SETBP1: variants seen among roughly 807,000 people sequenced by gnomAD.
SETBP1 encodes the protein SET-binding protein.
A neutral mutation model predicts 101.0 loss-of-function variants in SETBP1; 9 were observed. The observed-to-expected ratio is 0.09, with a 90% CI of 0.05 to 0.16. The LOEUF is 0.16. Ranked by LOEUF, SETBP1 falls within the 10% of genes least tolerant of loss-of-function variation. The pLI is 1.00. For missense variants in SETBP1, 1,858 were observed against 2,033.8 expected (o/e 0.91, Z 1.66); for synonymous variants, 818 against 788.5 (o/e 1.04, Z -0.63).
chr18:44,828,283 A>T (rs2072279892), intron 2 of SETBP1, among the ~76,000 whole-genome samples: 1 of 152,174 alleles, frequency 6.6e-6, no homozygotes, highest in Non-Finnish European at 1.5e-5. Flanking sequence ...GCGGTGAAAC[A>T]GGTTATCCAT....
At chr18:44,756,577 C>T (rs1410265590) in intron 2 of SETBP1, among the ~76,000 whole-genome samples, 3 of 152,200 alleles carry the variant, frequency 2.0e-5, no homozygotes, top group African/African-American at 7.2e-5. Flanking sequence ...CAATGACCAC[C>T]ATGAGGAGGG....
At chr18:44,805,733 C>G (rs1321126733) in intron 2 of SETBP1, among the ~76,000 whole-genome samples, 1 of 152,084 alleles carries the variant, frequency 6.6e-6, no homozygotes, top group Non-Finnish European at 1.5e-5. Context: ...TTCGCCATAG[C>G]CTGACCATGG....
intron 2 of SETBP1, among the ~76,000 whole-genome samples, chr18:44,792,316 C>T (rs1236978004): frequency 1.3e-5 from 2 of 152,106 alleles, no homozygotes; most frequent in Non-Finnish European, 2.9e-5. Flanking sequence ...GAGAAGATAT[C>T]CATGTCTGTG....
intron 2 of SETBP1, among the ~76,000 whole-genome samples, chr18:44,712,314 C>T (rs1485498226): frequency 1.3e-5 from 2 of 152,188 alleles, no homozygotes; most frequent in Non-Finnish European, 2.9e-5. Flanking sequence ...CCAGGTGGGC[C>T]ACCCACCATG....
chr18:44,702,812 A>G (rs2069140652), intron 2 of SETBP1, among the ~76,000 whole-genome samples: 1 of 152,210 alleles, frequency 6.6e-6, no homozygotes, highest in Admixed American at 6.5e-5. Flanking sequence ...TAGAACTGGA[A>G]CTGTAGAAAA....
chr18:45,003,380 A>G (rs113524382), intron 4 of SETBP1, among the ~76,000 whole-genome samples: 4 of 152,318 alleles, frequency 2.6e-5, no homozygotes, highest in African/African-American at 9.6e-5. Context: ...TTTGCTTTTC[A>G]TGATTACCCT....
rs776966017 is a variant in SETBP1 at position 44,950,863 on chromosome 18, C to A, written c.1523C>A (p.Thr508Lys). Reference protein sequence around the residue: ...RKPPMVMTPPTCTDHSPSRKL... With the variant: ...RKPPMVMTPPKCTDHSPSRKL... ...CCACCCATGGTCATGACACCTCCAA[C>A]GTGCACAGATCACTCTCCATCCAGA... Residue 508 changes from threonine to lysine, a missense_variant, in exon 4 of 6, where the codon ACG becomes AAG. Around this residue, in one of 12 missense-constraint regions of SETBP1, gnomAD observed 581 missense variants for 535.1 expected, o/e 1.09. Transcript: ENST00000649279. The A allele has an allele frequency of 4.3e-6, 7 of 1,614,156 alleles. No homozygotes were observed. Among genetic ancestry groups the A allele is most frequent in the Admixed American group, 1.7e-5 (1 of 60,022 alleles).
At chr18:44,984,496 C>T (rs907831569) in intron 4 of SETBP1, among the ~76,000 whole-genome samples, 1 of 152,174 alleles carries the variant, frequency 6.6e-6, no homozygotes, top group African/African-American at 2.4e-5. Context: ...GCTCACTCCT[C>T]CTGCACCTGC....
At chr18:44,963,329 G>GAGCT (rs2071651295) in intron 4 of SETBP1, among the ~76,000 whole-genome samples, 1 of 152,106 alleles carries the variant, frequency 6.6e-6, no homozygotes, top group South Asian at 2.1e-4. Context: ...CATACAAAGG[G>GAGCT]AGCTCTTTGG....
At chr18:44,788,649 C>T (rs778147241) in intron 2 of SETBP1, among the ~76,000 whole-genome samples, 1 of 152,040 alleles carries the variant, frequency 6.6e-6, no homozygotes, top group Non-Finnish European at 1.5e-5. Context: ...AAGAAGGGAG[C>T]AGAATTGTTT....
chr18:44,782,651 A>G (rs973748955), intron 2 of SETBP1, among the ~76,000 whole-genome samples: 1 of 152,146 alleles, frequency 6.6e-6, no homozygotes, highest in African/African-American at 2.4e-5. Flanking sequence ...GAACTAGATA[A>G]TCTTTCAGGC....
chr18:45,028,300 G>A (rs1222943142), intron 4 of SETBP1, among the ~76,000 whole-genome samples: 2 of 151,894 alleles, frequency 1.3e-5, no homozygotes, highest in Admixed American at 6.6e-5. Context: ...TGAGAATGAT[G>A]ATTTCCAATT....
chr18:45,059,612 G>C (rs1169611450), intron 5 of SETBP1, among the ~76,000 whole-genome samples: 5 of 152,112 alleles, frequency 3.3e-5, no homozygotes, highest in Admixed American at 6.5e-5. Flanking sequence ...GTTCAAGGTA[G>C]TTAGTTCTAG....
chr18:45,027,963 C>T (rs1178419613), intron 4 of SETBP1, among the ~76,000 whole-genome samples: 1 of 152,092 alleles, frequency 6.6e-6, no homozygotes, highest in African/African-American at 2.4e-5. Flanking sequence ...TTCAGGACAG[C>T]AACATAGCAT....
intron 3 of SETBP1, among the ~76,000 whole-genome samples, chr18:44,916,140 C>A (rs1239779878): frequency 6.6e-6 from 1 of 152,104 alleles, no homozygotes; most frequent in Non-Finnish European, 1.5e-5. Flanking sequence ...GCACAAGAAT[C>A]TCTTGAATCT....
intron 3 of SETBP1, among the ~76,000 whole-genome samples, chr18:44,886,062 A>G (rs1018772012): frequency 6.6e-6 from 1 of 152,076 alleles, no homozygotes; most frequent in Non-Finnish European, 1.5e-5. Context: ...TGGGAAGGAC[A>G]AAAGTCTCAT....
At chr18:44,723,916 A>G (rs1255614707) in intron 2 of SETBP1, among the ~76,000 whole-genome samples, 1 of 152,216 alleles carries the variant, frequency 6.6e-6, no homozygotes, top group Non-Finnish European at 1.5e-5. Flanking sequence ...TTACTTAAAC[A>G]TGATTTACCC....
At chr18:44,680,131 C>G (rs1381571726), upstream of SETBP1, 1 of 143,162 alleles carries the variant, frequency 7.0e-6, no homozygotes, top group Non-Finnish European at 1.5e-5. Context: ...ATATCTCTCT[C>G]CATAAATCGG....
chr18:45,006,165 G>A (rs766765457), intron 4 of SETBP1, among the ~76,000 whole-genome samples: 7 of 151,772 alleles, frequency 4.6e-5, no homozygotes, highest in Admixed American at 6.6e-5. Context: ...TTTTGGCCAG[G>A]ATGGTTTCAA....
Sources: gnomAD v4.1 joint callset for allele counts (sites outside exome capture counted in the v4.1 genomes callset) on GRCh38, gnomAD v4.1.1 for gene constraint, gnomAD v4.1.1 regional missense constraint, MANE v1.5 for transcripts, NCBI Gene and HGNC (gene_info 2026-07-23, HGNC 2026-07-21) for gene names.